Variants in SAAL1 observed in about 807,000 individuals in gnomAD.
The protein encoded by SAAL1 is serum amyloid A like 1, also known as protein SAAL1.
Under a neutral mutation model 59.8 loss-of-function variants are expected in SAAL1, and 42 were observed. The observed-to-expected ratio is 0.70, with a 90% CI of 0.55 to 0.91. The LOEUF is 0.91. SAAL1 is among the 40% of genes least tolerant of loss of function. SAAL1 has a pLI of 0.00. For synonymous variants in SAAL1, 191 were observed against 194.3 expected (o/e 0.98, Z 0.14); for missense variants, 542 against 561.1 (o/e 0.97, Z 0.34).
At chr11:18,095,711 A>G (rs943324130) in intron 3 of SAAL1, among the ~76,000 whole-genome samples, 16 of 152,264 alleles carry the variant, frequency 1.1e-4, no homozygotes, top group Non-Finnish European at 2.1e-4. Flanking sequence ...TGATATGCAT[A>G]GCACATGGCA....
In SAAL1 at chr11:18,087,164, C is replaced by G. The variant is rs1182412840; in HGVS notation, c.832G>C (p.Asp278His). The part of the protein sequence containing the change: ...MHILQLLTTV[D>H]DGIQAIVHCP... ...TTACCAATTGCTTGAATTCCATCAT[C>G]CACTGTAGTAAGCAGTTGTAAAATG... Residue 278 changes from aspartate (D) to histidine (H), a missense_variant, in exon 8 of 12, where the codon GAT becomes CAT. Transcript: ENST00000524803. The G allele has an allele frequency of 6.2e-7, 1 of 1,613,090 alleles. No homozygotes were observed. The highest frequency in any genetic ancestry group is 1.1e-5 in the South Asian group (1 of 91,036).
chr11:18,103,445 C>T (rs748002552), intron 1 of SAAL1, 99 bp from the exon 2 acceptor site: 2 of 922,354 alleles, frequency 2.2e-6, no homozygotes, highest in Non-Finnish European at 3.5e-6. Flanking sequence ...TTCCTCGTAA[C>T]GCTGATGAGA....
chr11:18,087,052 G>A lies in SAAL1; in HGVS notation c.856C>T (p.His286Tyr), dbSNP rs754469079. 2.5e-6 allele frequency: 4 copies of A among 1,612,674 alleles called. No individual in the cohort carries two copies. The highest frequency in any genetic ancestry group is 3.4e-6 in the Non-Finnish European group (4 of 1,178,756). ...ATGTCTTTTCCAGTGTCAGGACAAT[G>A]TACTTAATAAAGAGGACAAATAAAG... ...TVDDGIQAIVHCPDTGKDIWN... is the reference protein window; with the variant it reads ...TVDDGIQAIVYCPDTGKDIWN... Residue 286 changes from histidine to tyrosine, a missense_variant and splice_region_variant, in exon 9 of 12, where the codon CAT (histidine) becomes TAT (tyrosine). Coordinates refer to ENST00000524803, the MANE Select transcript of SAAL1 (RefSeq NM_138421.3).
chr11:18,089,420 G>A lies in SAAL1; in HGVS notation c.680C>T (p.Ala227Val). 1 of 1,612,226 alleles carries A rather than the reference G, an allele frequency of 6.2e-7. No homozygotes were observed. The highest frequency in any genetic ancestry group is 1.3e-5 in the African/African-American group (1 of 74,912). ...TTCCTGGGGTTGGTCCAGAGGCTGA[G>A]CAGCCCCATTTCTGACCCATTCTAA... ...LMLEWVRNGA[A>V]QPLDQPQEES... The change falls in exon 7 of 12, where the codon GCT becomes GTT. Residue 227 changes from alanine to valine, a missense_variant. By Grantham distance (64) the Ala-to-Val change is moderately conservative. Coordinates refer to ENST00000524803, the MANE Select transcript of SAAL1 (RefSeq NM_138421.3).
At chr11:18,090,736 C>A (rs1848515801) in intron 4 of SAAL1, 2 of 346,566 alleles carry the variant, frequency 5.8e-6, no homozygotes, top group South Asian at 1.5e-4. Flanking sequence ...CTCTTTCCCA[C>A]CTAGAAATGA....
intron 2 of SAAL1, 50 bp from the exon 3 acceptor site, chr11:18,096,904 AC>A (rs1319769860): frequency 1.0e-6 from 1 of 955,262 alleles, no homozygotes; most frequent in South Asian, 1.4e-5. Flanking sequence ...TCCTCCCTAA[AC>A]CCTAAAGCTC....
chr11:18,100,699 G>A (rs148797462), intron 2 of SAAL1, among the ~76,000 whole-genome samples: 1 of 152,170 alleles, frequency 6.6e-6, no homozygotes, highest in Non-Finnish European at 1.5e-5. Context: ...AAAAAGAAAA[G>A]ATTTCAAACT....
intron 11 of SAAL1, among the ~76,000 whole-genome samples, chr11:18,080,717 G>A (rs75653187): frequency 0.022 from 3,360 of 152,078 alleles, 147 homozygotes; most frequent in African/African-American, 0.078. Context: ...TTCTCCCCCC[G>A]CCTCTTCTTT....
intron 3 of SAAL1, among the ~76,000 whole-genome samples, chr11:18,095,995 T>C (rs987323879): frequency 6.6e-6 from 1 of 152,098 alleles, no homozygotes; most frequent in Non-Finnish European, 1.5e-5. Flanking sequence ...CTATCCAGAT[T>C]TTATGCTGGA....
At chr11:18,093,220 G>A (rs1214023107) in intron 3 of SAAL1, among the ~76,000 whole-genome samples, 5 of 152,154 alleles carry the variant, frequency 3.3e-5, no homozygotes, top group Non-Finnish European at 7.3e-5. Flanking sequence ...CAAAGCACAA[G>A]AGTAGTGATG....
At chr11:18,083,772 G>A in intron 9 of SAAL1, 41 bp from the exon 10 acceptor site, 1 of 1,424,662 alleles carries the variant, frequency 7.0e-7, no homozygotes, top group Non-Finnish European at 9.6e-7. Context: ...GGCCAGTTAA[G>A]TTTGGTTTTT....
chr11:18,101,535 G>A (rs1051873361), intron 2 of SAAL1, among the ~76,000 whole-genome samples: 23 of 152,104 alleles, frequency 1.5e-4, no homozygotes, highest in African/African-American at 5.1e-4. Context: ...TGCCATGATT[G>A]TAAGTCTCCT....
chr11:18,090,348 A>AGGAAATT (rs1848510558), intron 5 of SAAL1, 58 bp from the exon 6 acceptor site: 1 of 1,566,530 alleles, frequency 6.4e-7, no homozygotes, highest in Admixed American at 2.1e-5. Flanking sequence ...AAAACAGTAA[A>AGGAAATT]GGAAATTCGA....
intron 2 of SAAL1, among the ~76,000 whole-genome samples, 155 bp from the exon 3 acceptor site, chr11:18,097,009 G>A (rs914765264): frequency 6.6e-6 from 1 of 151,930 alleles, no homozygotes; most frequent in African/African-American, 2.4e-5. Context: ...GCCAAGGCTG[G>A]CAGATTGCCT....
chr11:18,096,731 T>C (rs1388377060), intron 3 of SAAL1, 40 bp downstream of exon 3: 7 of 1,019,838 alleles, frequency 6.9e-6, no homozygotes, highest in African/African-American at 1.6e-5. Flanking sequence ...TCTGTTCTTA[T>C]TGCTTCAAAG....
rs754194078 is a variant in SAAL1, at chr11:18,103,383, T to C, written c.136-37A>G. 1.0e-5 allele frequency: 15 copies of C among 1,442,724 alleles called. No individual in the cohort carries two copies. In the African/African-American group the frequency reaches 1.1e-4, roughly 11 times the overall value. The allele number at this position is 1,442,724 out of a possible 1,614,324, so 89.4% of individuals were successfully genotyped here. On this transcript the variant is annotated intron_variant, in intron 1 of 11. Coordinates refer to ENST00000524803, the MANE Select transcript of SAAL1 (RefSeq NM_138421.3). ...CAAAGAAAGAAAACATGAATAAAAG[T>C]TGTCTACAATACTAACCAGGTACCC...
At chr11:18,101,614 A>C (rs1003998321) in intron 2 of SAAL1, among the ~76,000 whole-genome samples, 5 of 152,164 alleles carry the variant, frequency 3.3e-5, no homozygotes, top group African/African-American at 9.7e-5. Flanking sequence ...ACCCAGTCTC[A>C]GGTATTTCCT....
At chr11:18,093,619 T>C (rs12295348) in intron 3 of SAAL1, among the ~76,000 whole-genome samples, 4,425 of 152,292 alleles carry the variant, frequency 0.029, 240 homozygotes, top group African/African-American at 0.1. Flanking sequence ...TAATTTCATA[T>C]AATAACTTAG....
At chr11:18,089,260 C>T (rs1439793573) in intron 7 of SAAL1, 70 bp downstream of exon 7, 4 of 1,348,498 alleles carry the variant, frequency 3.0e-6, no homozygotes, top group Non-Finnish European at 4.0e-6. Flanking sequence ...TATAAGAAGA[C>T]TTTTATATCT....
Sources: allele counts gnomAD v4.1 joint callset (sites outside exome capture counted in the v4.1 genomes callset), GRCh38; gene constraint gnomAD v4.1.1; transcripts MANE v1.5; gene names NCBI Gene and HGNC (gene_info 2026-07-23, HGNC 2026-07-21).